The following STK32B variants were observed in gnomAD, a reference collection of about 807,000 sequenced individuals.
The protein encoded by STK32B is serine/threonine-protein kinase 32B.
STK32B carries 43 observed loss-of-function variants against 52.6 expected under a neutral mutation model. The ratio of observed to expected loss-of-function variants is 0.82; its 90% CI spans 0.64 to 1.05. The LOEUF is 1.05. Ranked by LOEUF, STK32B falls within the 50% of genes least tolerant of loss-of-function variation. The probability of loss-of-function intolerance (pLI) is 0.00; values close to 1 mark genes in which losing one functional copy is unlikely to be tolerated. For missense variants in STK32B, 621 were observed against 534.6 expected (o/e 1.16, Z -1.59); for synonymous variants, 238 against 204.3 (o/e 1.17, Z -1.41).
chr4:5,246,505 G>T (rs1180430568), intron 3 of STK32B, among the ~76,000 whole-genome samples: 2 of 152,044 alleles, frequency 1.3e-5, no homozygotes, highest in Non-Finnish European at 2.9e-5. Context: ...TAACTTGTTT[G>T]CCATTGGTTC....
chr4:5,052,101 A>G (rs1741812080), intron 1 of STK32B, among the ~76,000 whole-genome samples, 186 bp downstream of exon 1: 1 of 152,186 alleles, frequency 6.6e-6, no homozygotes, highest in Admixed American at 6.5e-5. Flanking sequence ...GGCAACTCCT[A>G]GGTACCCAGT....
intron 3 of STK32B, among the ~76,000 whole-genome samples, chr4:5,226,562 A>G (rs966466516): frequency 2.0e-5 from 3 of 152,202 alleles, no homozygotes; most frequent in African/African-American, 7.2e-5. Context: ...TATCTATGCC[A>G]TCTGTGCTAT....
intron 3 of STK32B, among the ~76,000 whole-genome samples, chr4:5,218,618 G>A (rs1479914478): frequency 6.6e-6 from 1 of 152,184 alleles, no homozygotes; most frequent in Non-Finnish European, 1.5e-5. Context: ...TCATTCAAGT[G>A]CTAATTCCTT....
At chr4:5,224,170 A>G (rs1428258312) in intron 3 of STK32B, among the ~76,000 whole-genome samples, 1 of 152,220 alleles carries the variant, frequency 6.6e-6, no homozygotes, top group Non-Finnish European at 1.5e-5. Context: ...TGAAATGATT[A>G]TATTTTGTAC....
At chr4:5,026,818 G>A in the STK32B span, among the ~76,000 whole-genome samples, 1 of 152,158 alleles carries the variant, frequency 6.6e-6, no homozygotes, top group Non-Finnish European at 1.5e-5. Context: ...ATTCTCAAAT[G>A]TCCTCTGTTG....
At chr4:5,172,772 T>G (rs1198254053) in intron 3 of STK32B, among the ~76,000 whole-genome samples, 4 of 152,176 alleles carry the variant, frequency 2.6e-5, no homozygotes, top group African/African-American at 9.7e-5. Context: ...AAAATTCTCT[T>G]TTTTGGTTGT....
chr4:5,317,041 TTA>T (rs369771677), intron 3 of STK32B, among the ~76,000 whole-genome samples: 480 of 23,646 alleles, frequency 0.02, 29 homozygotes, highest in Non-Finnish European at 0.025. Flanking sequence ...ATATAATATA[TTA>T]TATATATAAT....
At chr4:5,032,364 T>G in the STK32B span, among the ~76,000 whole-genome samples, 2 of 149,900 alleles carry the variant, frequency 1.3e-5, no homozygotes. Context: ...TCCCAGCTAC[T>G]CAGGAGGCTG....
chr4:5,038,477 G>A, the STK32B span, among the ~76,000 whole-genome samples: 1 of 152,222 alleles, frequency 6.6e-6, no homozygotes, highest in Admixed American at 6.5e-5. Flanking sequence ...CCTAGGTGGT[G>A]AAGCCTACTA....
intron 4 of STK32B, among the ~76,000 whole-genome samples, chr4:5,361,131 A>G (rs1007582996): frequency 2.0e-5 from 3 of 152,138 alleles, no homozygotes; most frequent in South Asian, 2.1e-4. Context: ...CAAGGTTCAT[A>G]TATGTTGTAG....
intron 4 of STK32B, among the ~76,000 whole-genome samples, chr4:5,367,411 T>C (rs1310355723): frequency 6.6e-6 from 1 of 152,070 alleles, no homozygotes; most frequent in Non-Finnish European, 1.5e-5. Context: ...GGTTTTGAGC[T>C]ATCCATTCCT....
chr4:5,268,138 T>G (rs1727170628), intron 3 of STK32B, among the ~76,000 whole-genome samples: 1 of 152,128 alleles, frequency 6.6e-6, no homozygotes, highest in South Asian at 2.1e-4. Context: ...TGAGCATCAT[T>G]TTAGAGAGAG....
chr4:5,475,616 T>C (rs1442946821), intron 11 of STK32B, among the ~76,000 whole-genome samples: 2 of 150,586 alleles, frequency 1.3e-5, no homozygotes, highest in Non-Finnish European at 3.0e-5. Context: ...GAGAATTGCT[T>C]GAACCTGGAA....
intron 3 of STK32B, among the ~76,000 whole-genome samples, chr4:5,279,279 T>G (rs1560281958): frequency 6.6e-6 from 1 of 152,056 alleles, no homozygotes; most frequent in Non-Finnish European, 1.5e-5. Flanking sequence ...ATGCCCCTAT[T>G]CCAAAAGGTA....
Position 5,113,636 on chromosome 4 carries a change from T to C in STK32B, c.53-26269T>C, listed in dbSNP as rs200055259. Among the ~76,000 whole-genome samples, 4 of 152,244 alleles carry C rather than the reference T, an allele frequency of 2.6e-5. No individual in the cohort carries two copies. In the East Asian group the frequency reaches 7.7e-4, roughly 29 times the overall value. On this transcript the variant is annotated intron_variant, in intron 1 of 11. Transcript: ENST00000282908. ...ACGTACACACACATTCTTCTACTACTAAAACCCTGTAGGGTTCAACTTTGC... is the reference window on the plus strand; with the variant it reads ...ACGTACACACACATTCTTCTACTACCAAAACCCTGTAGGGTTCAACTTTGC...
At chr4:5,057,982 A>G (rs769403785) in intron 1 of STK32B, among the ~76,000 whole-genome samples, 2 of 152,202 alleles carry the variant, frequency 1.3e-5, no homozygotes, top group Non-Finnish European at 2.9e-5. Context: ...ACACTCTATT[A>G]GGCTGAGGTC....
chr4:5,446,926 G>A, intron 7 of STK32B, 150 bp downstream of exon 7: 1 of 667,496 alleles, frequency 1.5e-6, no homozygotes, highest in Non-Finnish European at 2.6e-6. Context: ...ATGCCTGTGT[G>A]CCGCCTATGA....
intron 3 of STK32B, among the ~76,000 whole-genome samples, chr4:5,213,307 C>A (rs1343438103): frequency 6.6e-6 from 1 of 152,190 alleles, no homozygotes; most frequent in East Asian, 1.9e-4. Context: ...GATCATTTTG[C>A]TTTCATCCTT....
intron 1 of STK32B, among the ~76,000 whole-genome samples, chr4:5,059,343 T>C (rs76945773): frequency 6.6e-6 from 1 of 152,288 alleles, no homozygotes; most frequent in Non-Finnish European, 1.5e-5. Context: ...ATTAGCTGCA[T>C]TGTTATTGTA....
Sources: allele counts gnomAD v4.1 joint callset (sites outside exome capture counted in the v4.1 genomes callset), GRCh38; gene constraint gnomAD v4.1.1; transcripts MANE v1.5; gene names NCBI Gene and HGNC (gene_info 2026-07-23, HGNC 2026-07-21).